ANKRD26: variants seen among roughly 807,000 people sequenced by gnomAD.
ANKRD26 encodes ankyrin repeat domain-containing protein 26.
ANKRD26 carries 141 observed loss-of-function variants against 208.7 expected under a neutral mutation model. The ratio of observed to expected loss-of-function variants is 0.68; its 90% CI spans 0.59 to 0.78. ANKRD26 has a LOEUF of 0.78. ANKRD26 is among the 30% of genes least tolerant of loss of function. The pLI is 0.00. For synonymous variants in ANKRD26, 636 were observed against 660.4 expected (o/e 0.96, Z 0.57); for missense variants, 1,889 against 1,938.7 (o/e 0.97, Z 0.48).
chr10:26,971,254 G>A (rs1364974752), downstream of ANKRD26, among the ~76,000 whole-genome samples: 1 of 152,128 alleles, frequency 6.6e-6, no homozygotes, highest in Non-Finnish European at 1.5e-5. Context: ...TTGGTGGTGT[G>A]CACCTCTCGT....
intron 7 of ANKRD26, among the ~76,000 whole-genome samples, chr10:27,078,019 T>G (rs1267341566): frequency 6.6e-6 from 1 of 152,204 alleles, no homozygotes; most frequent in Admixed American, 6.5e-5. Context: ...TAGAGTATTA[T>G]AAAAGTCAAA....
chr10:27,037,457 G>T, intron 22 of ANKRD26, 134 bp from the exon 23 acceptor site: 2 of 968,286 alleles, frequency 2.1e-6, no homozygotes, highest in Non-Finnish European at 3.1e-6. Flanking sequence ...TATTACTCAA[G>T]AATTACTCAA....
downstream of ANKRD26, among the ~76,000 whole-genome samples, chr10:26,988,997 A>G (rs1218360309): frequency 6.6e-6 from 1 of 152,128 alleles, no homozygotes; most frequent in Non-Finnish European, 1.5e-5. Flanking sequence ...ACAGGAAATA[A>G]TGAGGACACA....
At chr10:26,979,072 A>T (rs576616978) in intron 5 of ANKRD26, among the ~76,000 whole-genome samples, 21 of 152,216 alleles carry the variant, frequency 1.4e-4, no homozygotes, top group Non-Finnish European at 2.9e-4. Flanking sequence ...AATACAAAAA[A>T]TTAGCCAGCA....
the ANKRD26 span, among the ~76,000 whole-genome samples, chr10:26,956,355 A>T: frequency 0.014 from 2,160 of 152,266 alleles, 15 homozygotes; most frequent in Middle Eastern, 0.038. Flanking sequence ...ATAAGAACTA[A>T]TTTTTCCCAA....
At chr10:26,987,040 A>T (rs1235855721), downstream of ANKRD26, among the ~76,000 whole-genome samples, 3 of 152,230 alleles carry the variant, frequency 2.0e-5, no homozygotes, top group East Asian at 1.9e-4. Flanking sequence ...CAAATGTCCA[A>T]CAATGATAGA....
At position 27,035,511 on chromosome 10, in the gene ANKRD26, A is replaced by C; in HGVS notation, c.2939T>G (p.Val980Gly). The stretch of plus-strand genomic sequence containing the variant: ...TAGCATTGCATTCTCAGCTGTCAGA[A>C]CACTAAGCCGTCCATTATACTGGGA... ...TISQYNGRLS[V>G]LTAENAMLNS... The change falls in exon 24 of 34, where the codon GTT becomes GGT. Residue 980 changes from valine (V) to glycine (G), a missense_variant. Val to Gly is a moderately radical substitution (Grantham distance 109). Around this residue, in one of 3 missense-constraint regions of ANKRD26, gnomAD observed 1,272 missense variants for 1,273.8 expected, o/e 1.00. Coordinates refer to ENST00000376087, the MANE Select transcript of ANKRD26 (RefSeq NM_014915.3). The C allele has an allele frequency of 6.2e-7, 1 of 1,613,980 alleles. No individual in the cohort carries two copies. The highest frequency in any genetic ancestry group is 2.2e-5 in the East Asian group (1 of 44,862).
chr10:27,005,778 TAAGTGG>T, intron 33 of ANKRD26, 55 bp from the exon 34 acceptor site: 1 of 1,563,630 alleles, frequency 6.4e-7, no homozygotes, highest in Non-Finnish European at 8.6e-7. Context: ...CATAGTTAAC[TAAGTGG>T]AAGTCAGTAA....
At chr10:27,033,425 G>C in intron 24 of ANKRD26, 48 bp from the exon 25 acceptor site, 2 of 1,550,830 alleles carry the variant, frequency 1.3e-6, no homozygotes, top group Non-Finnish European at 1.8e-6. Context: ...TTATTATTAA[G>C]TTATGTTAAA....
chr10:27,050,725 A>G (rs1025352451), intron 16 of ANKRD26, among the ~76,000 whole-genome samples: 3 of 152,122 alleles, frequency 2.0e-5, no homozygotes, highest in Non-Finnish European at 2.9e-5. Flanking sequence ...GAAAATAGGG[A>G]AAAAAACCCT....
Position 27,034,857 on chromosome 10 carries a change from C to T in ANKRD26, c.3593G>A (p.Ser1198Asn). The T allele has an allele frequency of 3.1e-6, 5 of 1,612,558 alleles. No individual in the cohort carries two copies. The highest frequency in any genetic ancestry group is 4.2e-6 in the Non-Finnish European group (5 of 1,179,606). ...LLEERNKELISECNHLKERQY... is the reference protein window; with the variant it reads ...LLEERNKELINECNHLKERQY... ...TCTTTCTTTTAAGTGATTACATTCACTGATTAACTCCTTATTTCTTTCTTC... is the reference window on the plus strand; with the variant it reads ...TCTTTCTTTTAAGTGATTACATTCATTGATTAACTCCTTATTTCTTTCTTC... Residue 1198 changes from serine to asparagine, a missense_variant, in exon 24 of 34, where the codon AGT becomes AAT. Ser to Asn is a conservative substitution (Grantham distance 46). Transcript: ENST00000376087.
chr10:27,027,173 T>C (rs1268528836), intron 27 of ANKRD26, among the ~76,000 whole-genome samples: 1 of 152,254 alleles, frequency 6.6e-6, no homozygotes, highest in Non-Finnish European at 1.5e-5. Flanking sequence ...TATTCTGTAA[T>C]GTCCTGCTGG....
At chr10:26,950,897 T>C in the ANKRD26 span, among the ~76,000 whole-genome samples, 10 of 152,156 alleles carry the variant, frequency 6.6e-5, no homozygotes, top group Non-Finnish European at 1.5e-4. Context: ...TCAAAAATAA[T>C]TGAAATACCA....
chr10:27,042,234 A>G (rs1261506672), intron 20 of ANKRD26, among the ~76,000 whole-genome samples: 1 of 152,226 alleles, frequency 6.6e-6, no homozygotes, highest in East Asian at 1.9e-4. Context: ...TGCTGGAACA[A>G]TATGTCCATA....
In ANKRD26 at chr10:27,060,365, T is replaced by A; in HGVS notation, c.1544A>T (p.Asp515Val). 1 of 1,612,262 alleles carries A rather than the reference T, an allele frequency of 6.2e-7. No homozygotes were observed. The highest frequency in any genetic ancestry group is 8.5e-7 in the Non-Finnish European group (1 of 1,178,486). The change falls in exon 15 of 34, where the codon GAT (aspartate) becomes GTT (valine). Residue 515 changes from aspartate (D) to valine (V), a missense_variant. Asp to Val is a radical substitution (Grantham distance 152). This residue lies in a region of ANKRD26 where 1,272 missense variants were observed against 1,273.8 expected (regional missense o/e 1.00). Transcript: ENST00000376087. ...SVPNKAGGMK[D>V]VQTSKAAEHD... ...TTTACCTGCTTTGGATGTTTGTACATCCTTCATTCCTCCTGCTTTATTTGG... is the reference window on the plus strand; with the variant it reads ...TTTACCTGCTTTGGATGTTTGTACAACCTTCATTCCTCCTGCTTTATTTGG...
chr10:27,062,193 T>C (rs2135456144), intron 12 of ANKRD26: 1 of 982,146 alleles, frequency 1.0e-6, no homozygotes, highest in South Asian at 4.7e-5. Flanking sequence ...CAGCACTTCT[T>C]TCCTCTTCAT....
At chr10:27,076,879 C>A (rs1371112722) in intron 9 of ANKRD26, 2 of 159,790 alleles carry the variant, frequency 1.3e-5, no homozygotes, top group Admixed American at 6.2e-5. Context: ...AGAAAAAAAC[C>A]CAGGGCCACA....
At chr10:26,967,534 A>ATC in the ANKRD26 span, among the ~76,000 whole-genome samples, 15 of 151,604 alleles carry the variant, frequency 9.9e-5, no homozygotes, top group Admixed American at 6.6e-4. Context: ...ACACTCAATT[A>ATC]TCTCTCTAGC....
chr10:26,973,593 G>A (rs1273104072), downstream of ANKRD26, among the ~76,000 whole-genome samples: 12 of 136,536 alleles, frequency 8.8e-5, no homozygotes, highest in Admixed American at 8.7e-4. Context: ...TCAATTTATT[G>A]TAATTATTAA....
Sources: gnomAD v4.1 joint callset for allele counts (sites outside exome capture counted in the v4.1 genomes callset) on GRCh38, gnomAD v4.1.1 for gene constraint, gnomAD v4.1.1 regional missense constraint, MANE v1.5 for transcripts, NCBI Gene and HGNC (gene_info 2026-07-23, HGNC 2026-07-21) for gene names.